DUSP9: variants seen among roughly 807,000 people sequenced by gnomAD.
DUSP9 encodes the protein dual specificity protein phosphatase 9.
DUSP9 carries 4 observed loss-of-function variants against 13.2 expected under a neutral mutation model. That is an observed-to-expected ratio of 0.30 (90% CI 0.15 to 0.69). DUSP9 has a LOEUF of 0.69. DUSP9 is among the 30% of genes least tolerant of loss of function. DUSP9 has a pLI of 0.73. For missense variants in DUSP9, 263 were observed against 355.0 expected (o/e 0.74, Z 2.08); for synonymous variants, 166 against 172.3 (o/e 0.96, Z 0.29).
At position 153,649,292 on chromosome X, in the gene DUSP9, G is replaced by A. The variant is rs782521028; in HGVS notation, c.434G>A (p.Arg145His). The stretch of plus-strand genomic sequence containing the variant: ...CTGTGTGAGACCAGCCTTGCTGGCC[G>A]TGCCGGCTCCAGCATGGCGCCGGTG... ...PHLCETSLAG[R>H]AGSSMAPVPG... The change falls in exon 3 of 4, where the codon CGT becomes CAT. Residue 145 changes from arginine (R) to histidine (H), a missense_variant. Transcript: ENST00000342782. 38 of 1,209,464 alleles carry A rather than the reference G, an allele frequency of 3.1e-5. No individual in the cohort carries two copies. Among genetic ancestry groups the A allele is most frequent in the East Asian group, 2.7e-4 (9 of 33,748 alleles).
intron 3 of DUSP9, 120 bp downstream of exon 3, chrX:153,649,807 G>T: frequency 1.1e-6 from 1 of 890,447 alleles, no homozygotes; most frequent in Non-Finnish European, 1.5e-6. Flanking sequence ...CTAGGTGACA[G>T]TTCTAGGGGA....
chrX:153,643,425 A>G (rs1557035070), upstream of DUSP9: 2 of 335,222 alleles, frequency 6.0e-6, no homozygotes, highest in Non-Finnish European at 5.9e-6. Context: ...GAGGCTCAGC[A>G]GCCTTGGGCC....
rs1557035792 is a variant in DUSP9, at chrX:153,648,116, C to A, written c.163C>A (p.Arg55=). The A allele has an allele frequency of 5.0e-6, 5 of 995,912 alleles. No individual in the cohort carries two copies. In the South Asian group the frequency reaches 1.8e-4, roughly 35 times the overall value. The allele number at this position is 995,912 out of a possible 1,213,427, so 82.1% of individuals were successfully genotyped here. ...ALPALLLRRL[R]RGSLSVRALL... ...GCCGGCGCTCCTGCTGCGCCGCCTG[C>A]GGAGGGGCAGCCTGTCGGTGCGCGC... The change falls in exon 2 of 4, where the codon CGG becomes AGG. Residue 55 remains arginine, a synonymous_variant. Coordinates refer to ENST00000342782, the MANE Select transcript of DUSP9 (RefSeq NM_001318503.2).
At chrX:153,643,239 C>A (rs2091175449), upstream of DUSP9, among the ~76,000 whole-genome samples, 1 of 110,794 alleles carries the variant, frequency 9.0e-6, no homozygotes, top group Admixed American at 9.5e-5. Flanking sequence ...GCGCGCACAC[C>A]TGCTGGATTC....
upstream of DUSP9, chrX:153,647,116 T>TGGCTCACCGGCCCGCC (rs2091190866): frequency 8.8e-6 from 1 of 113,306 alleles, no homozygotes; most frequent in Admixed American, 9.2e-5. Context: ...TAGCACCCGT[T>TGGCTCACCGGCCCGCC]GGCTCACCGG....
intron 2 of DUSP9, 79 bp from the exon 3 acceptor site, chrX:153,649,153 T>A (rs1233704196): frequency 2.7e-5 from 26 of 980,339 alleles, no homozygotes; most frequent in South Asian, 1.2e-4. Flanking sequence ...TTGTCCAGGG[T>A]CATCTCCCCA....
At chrX:153,646,554 AG>A (rs1244536797), upstream of DUSP9, among the ~76,000 whole-genome samples, 2 of 111,280 alleles carry the variant, frequency 1.8e-5, no homozygotes, top group Non-Finnish European at 3.8e-5. Context: ...AAGGAGGCAG[AG>A]GGGGGAGCCA....
rs1557036322 is a variant in DUSP9, at chrX:153,650,221, G to A, written c.1071G>A (p.Gly357=). 2.5e-6 allele frequency: 3 copies of A among 1,211,640 alleles called. No homozygotes were observed. Among genetic ancestry groups the A allele is most frequent in the South Asian group, 1.8e-5 (1 of 57,039 alleles). ...GCCACTCGCAGGAGCAGGGCAGTGG[G>A]GGGCAGGCATCTGCGGCCTCCAACC... ...EERHSQEQGS[G]GQASAASNPP... The change falls in exon 4 of 4, where the codon GGG becomes GGA. Residue 357 remains glycine, a synonymous_variant. Coordinates refer to ENST00000342782, the MANE Select transcript of DUSP9 (RefSeq NM_001318503.2).
chrX:153,643,568 G>A (rs1557035114), upstream of DUSP9: 2 of 327,881 alleles, frequency 6.1e-6, no homozygotes, highest in South Asian at 5.6e-5. Context: ...CCCGGGGAGG[G>A]GCGGGGAGGC....
At chrX:153,649,815 G>A (rs1557036194) in intron 3 of DUSP9, 128 bp downstream of exon 3, 6 of 887,202 alleles carry the variant, frequency 6.8e-6, no homozygotes, top group Non-Finnish European at 7.8e-6. Context: ...CAGTTCTAGG[G>A]GACAGGCAGA....
upstream of DUSP9, among the ~76,000 whole-genome samples, chrX:153,646,717 C>A (rs782139429): frequency 3.6e-5 from 4 of 111,375 alleles, no homozygotes; most frequent in Non-Finnish European, 5.7e-5. Flanking sequence ...GCCTGCCTAG[C>A]CCTGCAGCAG....
At chrX:153,648,356 G>T (rs1557035885) in intron 2 of DUSP9, 30 bp downstream of exon 2, 1 of 1,087,386 alleles carries the variant, frequency 9.2e-7, no homozygotes, top group South Asian at 2.3e-5. Flanking sequence ...CCTTCCAGGG[G>T]GTTCGGGATT....
At chrX:153,643,006 A>C (rs782200806), upstream of DUSP9, among the ~76,000 whole-genome samples, 1 of 104,136 alleles carries the variant, frequency 9.6e-6, no homozygotes, top group Admixed American at 1.0e-4. Flanking sequence ...CGTCTCTGCC[A>C]TACCTGCACC....
upstream of DUSP9, among the ~76,000 whole-genome samples, chrX:153,645,722 G>C (rs1445103903): frequency 8.9e-6 from 1 of 112,939 alleles, no homozygotes; most frequent in Non-Finnish European, 1.9e-5. Flanking sequence ...ATTCCCAAAA[G>C]TGGTCAAAGG....
At chrX:153,643,088 G>T (rs782156218), upstream of DUSP9, among the ~76,000 whole-genome samples, 20 of 98,274 alleles carry the variant, frequency 2.0e-4, 1 homozygote, top group South Asian at 0.01. Flanking sequence ...CCCCACCCAC[G>T]TTGCCAGCCC....
At position 153,649,696 on chromosome X, in the gene DUSP9, A is replaced by AGGGCCC; in HGVS notation, c.829+9_829+10insGGGCCC. On this transcript the variant is annotated intron_variant, in intron 3 of 3. Coordinates refer to ENST00000342782, the MANE Select transcript of DUSP9 (RefSeq NM_001318503.2). The stretch of plus-strand genomic sequence containing the variant: ...GGCCATTGAGTTCATTGGTGAGTCC[A>AGGGCCC]CCCCACCCACCCTTCCCTCCTGTCC... 8.6e-7 allele frequency: 1 copy of AGGGCCC among 1,156,832 alleles called. No individual in the cohort carries two copies. The highest frequency in any genetic ancestry group is 1.9e-5 in the South Asian group (1 of 52,502).
At chrX:153,649,159 C>G in intron 2 of DUSP9, 73 bp from the exon 3 acceptor site, 1 of 1,032,253 alleles carries the variant, frequency 9.7e-7, no homozygotes, top group Non-Finnish European at 1.3e-6. Context: ...AGGGTCATCT[C>G]CCCAGCCCCA....
In DUSP9 at chrX:153,650,352, G is replaced by A; in HGVS notation, c.*47G>A. The A allele has an allele frequency of 2.0e-6, 2 of 978,081 alleles. No individual in the cohort carries two copies. Among genetic ancestry groups the A allele is most frequent in the Non-Finnish European group, 1.4e-6 (1 of 723,981 alleles). 80.6% of individuals were successfully genotyped at this position (978,081 alleles called of 1,213,427 possible). On this transcript the variant is annotated 3_prime_UTR_variant, in exon 4 of 4. Transcript: ENST00000342782. ...GCCCCTGCCCCACCCCCACCCACGG[G>A]TGTCCCTGCCCACTCGTGTGGCAAG...
At chrX:153,645,706 C>T (rs910684958), upstream of DUSP9, among the ~76,000 whole-genome samples, 5 of 112,908 alleles carry the variant, frequency 4.4e-5, no homozygotes, top group Non-Finnish European at 3.7e-5. Context: ...TACTTTAGTT[C>T]CTTAGATTCC....
Sources: gnomAD v4.1 joint callset for allele counts (sites outside exome capture counted in the v4.1 genomes callset) on GRCh38, gnomAD v4.1.1 for gene constraint, MANE v1.5 for transcripts, NCBI Gene and HGNC (gene_info 2026-07-23, HGNC 2026-07-21) for gene names.